The following CHRM5 variants were observed in gnomAD, a reference collection of about 807,000 sequenced individuals.
CHRM5 encodes muscarinic acetylcholine receptor M5.
A neutral mutation model predicts 39.0 loss-of-function variants in CHRM5; 18 were observed. The ratio of observed to expected loss-of-function variants is 0.46; its 90% CI spans 0.32 to 0.68. CHRM5 has a LOEUF of 0.68. Among genes scored for constraint, CHRM5 ranks in the 30% least tolerant of loss-of-function variants. The pLI, the probability that CHRM5 is intolerant of heterozygous loss-of-function variation, is 0.04. For synonymous variants in CHRM5, 241 were observed against 246.3 expected (o/e 0.98, Z 0.20); for missense variants, 515 against 651.1 (o/e 0.79, Z 2.28).
intron 1 of CHRM5, among the ~76,000 whole-genome samples, chr15:34,009,280 A>G (rs1441522610): frequency 1.3e-5 from 2 of 152,200 alleles, no homozygotes; most frequent in Admixed American, 6.5e-5. Context: ...CAAACTAAAA[A>G]CAAGTGGTCC....
At chr15:34,041,512 T>C (rs1286746057) in intron 1 of CHRM5, among the ~76,000 whole-genome samples, 10 of 152,134 alleles carry the variant, frequency 6.6e-5, no homozygotes, top group African/African-American at 2.4e-4. Context: ...CCTCCAAAAT[T>C]ATGAGGTTGA....
intron 1 of CHRM5, among the ~76,000 whole-genome samples, chr15:33,978,392 G>A (rs1895984854): frequency 6.6e-6 from 1 of 152,180 alleles, no homozygotes; most frequent in African/African-American, 2.4e-5. Context: ...GGCCGGGCAC[G>A]ATGGCTCACG....
At chr15:34,028,257 C>T (rs913529310) in intron 1 of CHRM5, among the ~76,000 whole-genome samples, 5 of 152,164 alleles carry the variant, frequency 3.3e-5, no homozygotes, top group Non-Finnish European at 5.9e-5. Flanking sequence ...TAGTTTGCAT[C>T]TGACCTACAC....
At chr15:33,982,282 A>G (rs143448259) in intron 1 of CHRM5, among the ~76,000 whole-genome samples, 55 of 152,152 alleles carry the variant, frequency 3.6e-4, no homozygotes, top group African/African-American at 1.3e-3. Flanking sequence ...GGTTGGCCCT[A>G]ATGCATTTTT....
intron 1 of CHRM5, among the ~76,000 whole-genome samples, chr15:34,019,712 T>C (rs957136504): frequency 6.6e-6 from 1 of 152,216 alleles, no homozygotes; most frequent in African/African-American, 2.4e-5. Context: ...TCCAGTACCG[T>C]AACATGCTGT....
intron 1 of CHRM5, among the ~76,000 whole-genome samples, chr15:34,036,115 A>T (rs1329780929): frequency 6.7e-6 from 1 of 149,064 alleles, no homozygotes; most frequent in African/African-American, 2.4e-5. Flanking sequence ...TTTTTTTTTT[A>T]AAGTTAATGA....
At chr15:34,003,720 A>G (rs555319556) in intron 1 of CHRM5, among the ~76,000 whole-genome samples, 1 of 152,356 alleles carries the variant, frequency 6.6e-6, no homozygotes, top group South Asian at 2.1e-4. Context: ...ATAGTGAGGG[A>G]CAATGACTTG....
chr15:33,989,976 G>C lies in CHRM5; in HGVS notation c.-408+20826G>C, dbSNP rs147759066. Among the ~76,000 whole-genome samples, 144 of 151,680 alleles carry C rather than the reference G, an allele frequency of 9.5e-4. 3 individuals are homozygous for C. The East Asian group carries it at 0.025, about 27-fold the overall frequency. ...CCCAGCACTTTGGGAGGCCAAAGCA[G>C]GAGGATCACTTGAGGTCAGGAGTTG... is the stretch of plus-strand genomic sequence containing the variant. On this transcript the variant is annotated intron_variant, in intron 1 of 2. Transcript: ENST00000383263.
At position 34,044,332 on chromosome 15, in the gene CHRM5, G is replaced by A. The variant is rs142223443; in HGVS notation, c.-407-2208G>A. Among the ~76,000 whole-genome samples the A allele has an allele frequency of 2.7e-3, 413 of 152,200 alleles. 2 individuals carry two copies. The highest frequency in any genetic ancestry group is 9.5e-3 in the African/African-American group (396 of 41,554). On this transcript the variant is annotated intron_variant, in intron 1 of 2. Transcript: ENST00000383263. ...AACTAAATCCAATGGTCAGGTCACT[G>A]GCCTAATCTTACTTGGTTTATCAGT...
At chr15:34,017,497 T>TTTTTTTTTTTTTTG (rs1555516619) in intron 1 of CHRM5, among the ~76,000 whole-genome samples, 6 of 133,360 alleles carry the variant, frequency 4.5e-5, no homozygotes, top group South Asian at 2.4e-4. Flanking sequence ...TTTTTTTTTT[T>TTTTTTTTTTTTTTG]TTTGAGACAG....
chr15:34,047,560 A>G (rs76086211), intron 2 of CHRM5, among the ~76,000 whole-genome samples: 95 of 152,260 alleles, frequency 6.2e-4, no homozygotes, highest in African/African-American at 2.2e-3. Flanking sequence ...AGCCAACAGT[A>G]AAAGCCAGAG....
rs80286880 is a variant in CHRM5 at position 34,061,963 on chromosome 15, A to T, written c.-75-680A>T. Among the ~76,000 whole-genome samples, 663 of 152,304 alleles carry T rather than the reference A, an allele frequency of 4.4e-3. 5 individuals carry two copies. The highest frequency in any genetic ancestry group is 0.015 in the African/African-American group (639 of 41,560). On this transcript the variant is annotated intron_variant, in intron 2 of 2. Transcript: ENST00000383263. ...AGGTATTTATCACCAGGATCTTAAA[A>T]ATATAGGGTTTCAGCCCTTATGATC...
chr15:33,970,184 G>A (rs1304865938), intron 1 of CHRM5, among the ~76,000 whole-genome samples: 1 of 151,922 alleles, frequency 6.6e-6, no homozygotes, highest in African/African-American at 2.4e-5. Flanking sequence ...TTCAATACTT[G>A]TCTAAAAGTA....
At chr15:33,969,614 GA>G (rs1399065407) in intron 1 of CHRM5, among the ~76,000 whole-genome samples, 1 of 151,394 alleles carries the variant, frequency 6.6e-6, no homozygotes, top group African/African-American at 2.4e-5. Flanking sequence ...TTGTTACTAA[GA>G]AAAAAAAGCT....
chr15:34,038,387 C>T lies in CHRM5; in HGVS notation c.-407-8153C>T, dbSNP rs147017879. Among the ~76,000 whole-genome samples the T allele has an allele frequency of 1.7e-3, 253 of 152,324 alleles. 2 individuals are homozygous for T. The highest frequency in any genetic ancestry group is 3.3e-3 in the Non-Finnish European group (223 of 68,016). On this transcript the variant is annotated intron_variant, in intron 1 of 2. Transcript: ENST00000383263. ...ACAGGAGCGTGCCCGTAAAGGCTGC[C>T]GAGGGACCACGTCGTGGCCGCGCCT...
At chr15:34,023,199 G>A (rs1289153872) in intron 1 of CHRM5, among the ~76,000 whole-genome samples, 1 of 151,884 alleles carries the variant, frequency 6.6e-6, no homozygotes, top group Non-Finnish European at 1.5e-5. Flanking sequence ...AAAAGGAAAA[G>A]AACAATGAGA....
At chr15:33,983,192 A>G (rs12912120) in intron 1 of CHRM5, among the ~76,000 whole-genome samples, 1,366 of 70,290 alleles carry the variant, frequency 0.019, 49 homozygotes, top group South Asian at 0.11. Flanking sequence ...ACGTGTGTGT[A>G]TGTGTGTGTA....
intron 2 of CHRM5, among the ~76,000 whole-genome samples, chr15:34,061,661 G>T (rs1438760821): frequency 6.6e-6 from 1 of 152,142 alleles, no homozygotes; most frequent in Admixed American, 6.5e-5. Context: ...GCTTTTATAA[G>T]GAATGTATTA....
At chr15:34,032,715 A>G (rs897004688) in intron 1 of CHRM5, among the ~76,000 whole-genome samples, 5 of 152,192 alleles carry the variant, frequency 3.3e-5, no homozygotes, top group African/African-American at 1.2e-4. Context: ...GTCTTTCCCA[A>G]AAGCAGTCTA....
Sources: gnomAD v4.1 joint callset for allele counts (sites outside exome capture counted in the v4.1 genomes callset) on GRCh38, gnomAD v4.1.1 for gene constraint, MANE v1.5 for transcripts, NCBI Gene and HGNC (gene_info 2026-07-23, HGNC 2026-07-21) for gene names.